The following BPNT2 variants were observed in gnomAD, a reference collection of about 807,000 sequenced individuals.
BPNT2 encodes Golgi-resident adenosine 3',5'-bisphosphate 3'-phosphatase.
In BPNT2, 11 loss-of-function variants were observed where a neutral mutation model predicts 29.3. The observed-to-expected ratio is 0.38, with a 90% CI of 0.24 to 0.62. BPNT2 has a LOEUF of 0.62. BPNT2 is among the 20% of genes least tolerant of loss of function. BPNT2 has a pLI of 0.62. For missense variants in BPNT2, 459 were observed against 473.4 expected, an observed-to-expected ratio of 0.97 and a Z score of 0.28; for synonymous variants, 195 against 187.7, an observed-to-expected ratio of 1.04 and a Z score of -0.32.
chr8:56,971,789 C>CA (rs1554539103), intron 3 of BPNT2, among the ~76,000 whole-genome samples: 7 of 142,204 alleles, frequency 4.9e-5, no homozygotes, highest in Middle Eastern at 3.6e-3. Flanking sequence ...ACCACCCCCC[C>CA]CCCCACAATG....
chr8:56,990,308 T>C (rs755240060), intron 1 of BPNT2, among the ~76,000 whole-genome samples: 4 of 152,194 alleles, frequency 2.6e-5, no homozygotes, highest in Non-Finnish European at 5.9e-5. Flanking sequence ...AATCTCAGTT[T>C]GTCTGTTCTG....
intron 2 of BPNT2, among the ~76,000 whole-genome samples, chr8:56,978,651 A>G (rs1393622207): frequency 2.0e-5 from 3 of 150,972 alleles, no homozygotes; most frequent in Non-Finnish European, 2.9e-5. Flanking sequence ...ATGCCCATCA[A>G]TGATAGACCA....
intron 3 of BPNT2, among the ~76,000 whole-genome samples, chr8:56,973,931 C>T (rs1486607049): frequency 6.6e-6 from 1 of 152,156 alleles, no homozygotes; most frequent in Admixed American, 6.5e-5. Context: ...CACAAAATTA[C>T]ATCAAGTATA....
rs1036765683 is a variant in BPNT2 at position 56,961,063 on chromosome 8, G to T, written c.*2730C>A. 1 of 152,192 alleles carries T rather than the reference G, an allele frequency of 6.6e-6. No homozygotes were observed. Among genetic ancestry groups the T allele is most frequent in the African/African-American group, 2.4e-5 (1 of 41,414 alleles). The allele number at this position is 152,192 out of a possible 1,614,324, so 9.4% of individuals were successfully genotyped here. The stretch of plus-strand genomic sequence containing the variant: ...GAAATGGTCACAAGGTAGAAGAGAT[G>T]AAGAAGGGCAGAGGAGGGGGACAGC... On this transcript the variant is annotated 3_prime_UTR_variant, in exon 5 of 5. Coordinates refer to ENST00000262644, the MANE Select transcript of BPNT2 (RefSeq NM_017813.5).
chr8:56,984,557 T>C (rs1264556263), intron 1 of BPNT2, among the ~76,000 whole-genome samples: 2 of 152,196 alleles, frequency 1.3e-5, no homozygotes, highest in Non-Finnish European at 2.9e-5. Context: ...ATTTCTACAA[T>C]AGTCCTCAAT....
rs1007159835 is a variant in BPNT2 at position 56,961,974 on chromosome 8, A to T, written c.*1819T>A. On this transcript the variant is annotated 3_prime_UTR_variant, in exon 5 of 5. Transcript: ENST00000262644. ...TCCCTAACTTTGACATACTATAATAAAAACAGATGCTTATACCACAGGACT... is the reference window on the plus strand; with the variant it reads ...TCCCTAACTTTGACATACTATAATATAAACAGATGCTTATACCACAGGACT... The T allele has an allele frequency of 2.0e-5, 3 of 152,200 alleles. No individual in the cohort carries two copies. The highest frequency in any genetic ancestry group is 2.9e-5 in the Non-Finnish European group (2 of 68,042). The allele number at this position is 152,200 out of a possible 1,614,324, so 9.4% of individuals were successfully genotyped here.
chr8:56,983,075 G>A (rs1032562994), intron 1 of BPNT2, among the ~76,000 whole-genome samples: 10 of 152,148 alleles, frequency 6.6e-5, no homozygotes, highest in African/African-American at 2.4e-4. Flanking sequence ...TGGGATAAGG[G>A]ATAAAAACAA....
Position 56,980,912 on chromosome 8 carries a change from TATAAC to T in BPNT2, c.388-720_388-716del, listed in dbSNP as rs1262925321. Among the ~76,000 whole-genome samples, 9 of 150,830 alleles carry T rather than the reference TATAAC, an allele frequency of 6.0e-5. No homozygotes were observed. In the South Asian group the frequency reaches 6.2e-4, roughly 10 times the overall value. On this transcript the variant is annotated intron_variant, in intron 1 of 4. Transcript: ENST00000262644. ...ATATATATTATATATTATTTCTACA[TATAAC>T]ATATATATACATGTGTTTGTATAAT...
chr8:56,987,304 T>G (rs1806340918), intron 1 of BPNT2, among the ~76,000 whole-genome samples: 1 of 152,158 alleles, frequency 6.6e-6, no homozygotes, highest in Admixed American at 6.5e-5. Flanking sequence ...CTAACATTAT[T>G]TCTGGTTGTA....
Position 56,993,832 on chromosome 8 carries a change from TG to T in BPNT2, c.-248del. On this transcript the variant is annotated 5_prime_UTR_variant, in exon 1 of 5. Coordinates refer to ENST00000262644, the MANE Select transcript of BPNT2 (RefSeq NM_017813.5). ...GCTCTAGGTTCTTCCGCCGGCCGGC[TG>T]GTCCGACTTCCACGTTAGCCTACGG... 1 of 291,680 alleles carries T rather than the reference TG, an allele frequency of 3.4e-6. No individual in the cohort carries two copies. Among genetic ancestry groups the T allele is most frequent in the African/African-American group, 2.3e-5 (1 of 44,190 alleles). 18.1% of individuals were successfully genotyped at this position (291,680 alleles called of 1,614,324 possible).
rs1342468814 is a variant in BPNT2, at chr8:56,958,046, A to C, written c.*5747T>G. On this transcript the variant is annotated 3_prime_UTR_variant, in exon 5 of 5. Transcript: ENST00000262644. ...GGAAGCAATCACATTATCTACAGCAAATTGCCTGGGGTAGTATCTGAAGGA... is the reference window on the plus strand; with the variant it reads ...GGAAGCAATCACATTATCTACAGCACATTGCCTGGGGTAGTATCTGAAGGA... 1 of 152,148 alleles carries C rather than the reference A, an allele frequency of 6.6e-6. No individual in the cohort carries two copies. Among genetic ancestry groups the C allele is most frequent in the Non-Finnish European group, 1.5e-5 (1 of 68,016 alleles). The allele number at this position is 152,148 out of a possible 1,614,324, so 9.4% of individuals were successfully genotyped here.
chr8:56,983,106 CA>C (rs1806271276), intron 1 of BPNT2, among the ~76,000 whole-genome samples: 1 of 151,986 alleles, frequency 6.6e-6, no homozygotes. Context: ...TTAATGGGGT[CA>C]GGGGTATTAT....
chr8:56,964,101 A>AT (rs1805896500), intron 4 of BPNT2, 37 bp from the exon 5 acceptor site: 1 of 1,471,418 alleles, frequency 6.8e-7, no homozygotes, highest in African/African-American at 1.4e-5. Flanking sequence ...TATTATTCAA[A>AT]AAATTTTAAG....
intron 1 of BPNT2, among the ~76,000 whole-genome samples, chr8:56,992,976 C>A (rs1806442893): frequency 6.6e-6 from 1 of 152,204 alleles, no homozygotes; most frequent in Non-Finnish European, 1.5e-5. Context: ...ACGGCGCACA[C>A]CCGACCCAGG....
In BPNT2 at chr8:56,993,326, C is replaced by G; in HGVS notation, c.260G>C (p.Ser87Thr). Reference sequence around the variant, plus strand: ...CTTGGACTTCTCGTGGAGGACGTTGCTCTCGCGGACGCGCCTCACCTCGTC... The same window carrying G: ...CTTGGACTTCTCGTGGAGGACGTTGGTCTCGCGGACGCGCCTCACCTCGTC... Reference protein sequence around the residue: ...GGDEVRRVRESNVLHEKSKGK... With the variant: ...GGDEVRRVRETNVLHEKSKGK... Residue 87 changes from serine (S) to threonine (T), a missense_variant, in exon 1 of 5, where the codon AGC (serine) becomes ACC (threonine). By Grantham distance (58) the Ser-to-Thr change is moderately conservative. Coordinates refer to ENST00000262644, the MANE Select transcript of BPNT2 (RefSeq NM_017813.5). 1 of 1,611,732 alleles carries G rather than the reference C, an allele frequency of 6.2e-7. No individual in the cohort carries two copies. The highest frequency in any genetic ancestry group is 8.5e-7 in the Non-Finnish European group (1 of 1,179,914).
rs1041520458 is a variant in BPNT2 at position 56,963,077 on chromosome 8, G to T, written c.*716C>A. Reference sequence around the variant, plus strand: ...TCCACAGGGAAAATGAAAATAGCAAGATGGCAGAAATGCTGAACTCATGGG... The same window carrying T: ...TCCACAGGGAAAATGAAAATAGCAATATGGCAGAAATGCTGAACTCATGGG... On this transcript the variant is annotated 3_prime_UTR_variant, in exon 5 of 5. Coordinates refer to ENST00000262644, the MANE Select transcript of BPNT2 (RefSeq NM_017813.5). The T allele has an allele frequency of 6.6e-6, 1 of 152,194 alleles. No individual in the cohort carries two copies. Among genetic ancestry groups the T allele is most frequent in the African/African-American group, 2.4e-5 (1 of 41,464 alleles). 9.4% of individuals were successfully genotyped at this position (152,194 alleles called of 1,614,324 possible).
intron 1 of BPNT2, among the ~76,000 whole-genome samples, chr8:56,982,612 A>C (rs954664547): frequency 1.3e-5 from 2 of 152,118 alleles, no homozygotes; most frequent in Non-Finnish European, 2.9e-5. Flanking sequence ...GTATAGATAA[A>C]CAACGAGACA....
chr8:56,986,428 G>A (rs1205818360), intron 1 of BPNT2, among the ~76,000 whole-genome samples: 1 of 152,186 alleles, frequency 6.6e-6, no homozygotes, highest in Non-Finnish European at 1.5e-5. Context: ...CCGTAATTGT[G>A]AGGACAGAAA....
rs181609437 is a variant in BPNT2 at position 56,967,895 on chromosome 8, C to T, written c.647-1543G>A. Among the ~76,000 whole-genome samples, 841 of 152,234 alleles carry T rather than the reference C, an allele frequency of 5.5e-3. 6 individuals are homozygous for T. Among genetic ancestry groups the T allele is most frequent in the African/African-American group, 0.019 (772 of 41,538 alleles). On this transcript the variant is annotated intron_variant, in intron 3 of 4. Transcript: ENST00000262644. ...TCCCACACTAACAGAAATGAAAGCT[C>T]CTGAACTGGGAATCATCCAAACTCC...
Sources: allele counts gnomAD v4.1 joint callset (sites outside exome capture counted in the v4.1 genomes callset), GRCh38; gene constraint gnomAD v4.1.1; transcripts MANE v1.5; gene names NCBI Gene and HGNC (gene_info 2026-07-23, HGNC 2026-07-21).